The following CMTM4 variants were observed in gnomAD, a reference collection of about 807,000 sequenced individuals.
CMTM4 encodes CKLF like MARVEL transmembrane domain containing 4.
Under a neutral mutation model 19.0 loss-of-function variants are expected in CMTM4, and 8 were observed. The observed-to-expected ratio is 0.42, with a 90% CI of 0.25 to 0.76. The LOEUF is 0.76. CMTM4 is among the 30% of genes least tolerant of loss of function. The pLI is 0.27. For synonymous variants in CMTM4, 106 were observed against 121.1 expected, an observed-to-expected ratio of 0.88 and a Z score of 0.82; for missense variants, 228 against 290.2, an observed-to-expected ratio of 0.79 and a Z score of 1.56.
intron 2 of CMTM4, among the ~76,000 whole-genome samples, chr16:66,625,220 A>C (rs1045484796): frequency 2.6e-5 from 4 of 152,132 alleles, no homozygotes; most frequent in South Asian, 2.1e-4. Flanking sequence ...GGATCACCTG[A>C]GGTTGGGAGT....
intron 2 of CMTM4, among the ~76,000 whole-genome samples, chr16:66,626,298 C>T (rs1033960607): frequency 6.6e-6 from 1 of 152,052 alleles, no homozygotes; most frequent in Non-Finnish European, 1.5e-5. Context: ...AGCTGGACCC[C>T]GTCTCTACTA....
chr16:66,608,446 C>T, the CMTM4 span: 1 of 1,614,030 alleles, frequency 6.2e-7, no homozygotes, highest in Non-Finnish European at 8.5e-7. This position sits in a 1 kb window ranked among gnomAD's most constrained non-coding sequence, Gnocchi z 5.1. Flanking sequence ...AGTGGCAGGG[C>T]TTGTGCTGGC....
chr16:66,626,450 A>G (rs57010732), intron 2 of CMTM4, among the ~76,000 whole-genome samples: 6,675 of 152,226 alleles, frequency 0.044, 265 homozygotes, highest in East Asian at 0.16. Context: ...ACTAAAACAC[A>G]AAAAATTAGC....
At chr16:66,598,792 G>A in the CMTM4 span, among the ~76,000 whole-genome samples, 3 of 152,122 alleles carry the variant, frequency 2.0e-5, no homozygotes, top group African/African-American at 7.2e-5. Context: ...ATGGATGGAA[G>A]TTTCTTTATC....
intron 1 of CMTM4, among the ~76,000 whole-genome samples, chr16:66,671,248 C>G (rs1459682460): frequency 6.6e-6 from 1 of 152,096 alleles, no homozygotes; most frequent in East Asian, 1.9e-4. Context: ...AACAGGGAAG[C>G]CTTCTCAAAG....
At chr16:66,641,721 T>A (rs755462617) in intron 1 of CMTM4, among the ~76,000 whole-genome samples, 1 of 152,166 alleles carries the variant, frequency 6.6e-6, no homozygotes, top group East Asian at 1.9e-4. Flanking sequence ...TTTCCAAATC[T>A]CAAATGGTCA....
downstream of CMTM4, chr16:66,610,965 G>A (rs1003456478): frequency 1.0e-5 from 4 of 398,474 alleles, no homozygotes; most frequent in Non-Finnish European, 8.9e-6. The surrounding 1 kb of genome is among the most constrained non-coding windows in gnomAD (Gnocchi z 4.6). Context: ...CTCCCAGGCG[G>A]TTTCCTCAGG....
Position 66,696,410 on chromosome 16 carries a change from C to A in CMTM4, c.116G>T (p.Gly39Val). 1 of 1,407,126 alleles carries A rather than the reference C, an allele frequency of 7.1e-7. No individual in the cohort carries two copies. The highest frequency in any genetic ancestry group is 9.2e-7 in the Non-Finnish European group (1 of 1,082,114). The allele number at this position is 1,407,126 out of a possible 1,614,324, so 87.2% of individuals were successfully genotyped here. A position where few individuals can be genotyped will look rare whatever the true frequency, so the allele number is the denominator to read the frequency against. The change falls in exon 1 of 4, where the codon GGG becomes GTG. Residue 39 changes from glycine (G) to valine (V), a missense_variant. Gly to Val is a moderately radical substitution (Grantham distance 109). Coordinates refer to ENST00000394106, the MANE Select transcript of CMTM4 (RefSeq NM_181521.3). This position sits in a 1 kb window ranked among gnomAD's most constrained non-coding sequence, Gnocchi z 4.3. Reference protein sequence around the residue: ...PTTEPVSQRRGLAGLRCDPDY... With the variant: ...PTTEPVSQRRVLAGLRCDPDY... Reference sequence around the variant, plus strand: ...GGGGTCGCAGCGCAGGCCGGCCAGCCCGCGGCGCTGGCTCACCGGCTCGGT... The same window carrying A: ...GGGGTCGCAGCGCAGGCCGGCCAGCACGCGGCGCTGGCTCACCGGCTCGGT...
At chr16:66,695,341 T>A (rs1332132464) in intron 1 of CMTM4, among the ~76,000 whole-genome samples, 1 of 151,466 alleles carries the variant, frequency 6.6e-6, no homozygotes, top group Admixed American at 6.6e-5. Context: ...AGACCCGGTC[T>A]CAAAAAAGAG....
At chr16:66,695,675 C>T (rs1441936072) in intron 1 of CMTM4, among the ~76,000 whole-genome samples, 4 of 152,164 alleles carry the variant, frequency 2.6e-5, no homozygotes, top group Non-Finnish European at 5.9e-5. Flanking sequence ...GGCTGCCCTC[C>T]CAGATTTAAC....
intron 1 of CMTM4, among the ~76,000 whole-genome samples, chr16:66,686,901 A>G (rs2017043946): frequency 6.6e-6 from 1 of 152,226 alleles, no homozygotes; most frequent in Non-Finnish European, 1.5e-5. Flanking sequence ...CAAAAAAACT[A>G]GAAAACATAA....
At chr16:66,645,726 C>T (rs2144828905) in intron 1 of CMTM4, among the ~76,000 whole-genome samples, 1 of 152,234 alleles carries the variant, frequency 6.6e-6, no homozygotes, top group South Asian at 2.1e-4. Flanking sequence ...CGCCTGTAAT[C>T]CCAGCACTTT....
At chr16:66,608,030 G>A in the CMTM4 span, among the ~76,000 whole-genome samples, 7,546 of 152,190 alleles carry the variant, frequency 0.05, 285 homozygotes, top group Admixed American at 0.11. The surrounding 1 kb of genome is among the most constrained non-coding windows in gnomAD (Gnocchi z 5.1). Flanking sequence ...ATATTTTGCC[G>A]AGATGAGGTT....
chr16:66,667,869 T>C (rs1302222468), intron 1 of CMTM4, among the ~76,000 whole-genome samples: 3 of 152,140 alleles, frequency 2.0e-5, no homozygotes, highest in Non-Finnish European at 4.4e-5. Flanking sequence ...ACCTGGCTGA[T>C]AGGGCGAGAC....
At position 66,622,966 on chromosome 16, in the gene CMTM4, T is replaced by C. The variant is rs1390314395; in HGVS notation, c.462+438A>G. ...AGAGGGGAAGTCCTACATTATCTGG[T>C]CCCCACCTGCCGTGGCATTTCCACC... On this transcript the variant is annotated intron_variant, in intron 3 of 3. Transcript: ENST00000394106. This position sits in a 1 kb window ranked among gnomAD's most constrained non-coding sequence, Gnocchi z 4.0. Among the ~76,000 whole-genome samples the C allele has an allele frequency of 6.6e-6, 1 of 152,202 alleles. No homozygotes were observed. The highest frequency in any genetic ancestry group is 1.5e-5 in the Non-Finnish European group (1 of 68,030).
chr16:66,663,499 T>C (rs993571515), intron 1 of CMTM4, among the ~76,000 whole-genome samples: 1 of 149,756 alleles, frequency 6.7e-6, no homozygotes, highest in African/African-American at 2.4e-5. Flanking sequence ...TTATTTTGGA[T>C]ACTACGTTCT....
At chr16:66,666,351 G>C in intron 1 of CMTM4, among the ~76,000 whole-genome samples, 1 of 151,912 alleles carries the variant, frequency 6.6e-6, no homozygotes, top group Non-Finnish European at 1.5e-5. Context: ...TACTCAGGAG[G>C]CTGAGGCAGG....
rs118173521 is a variant in CMTM4 at position 66,689,362 on chromosome 16, T to G, written c.186+6978A>C. Among the ~76,000 whole-genome samples the G allele has an allele frequency of 7.2e-3, 1,090 of 152,328 alleles. 33 individuals carry two copies. The highest frequency in any genetic ancestry group is 0.048 in the Admixed American group (738 of 15,284). ...ATTTATTATGGAAAAGTACTGAATTTTGTCAAAAGTTTTTTTTTTCTGCAT... is the reference window on the plus strand; with the variant it reads ...ATTTATTATGGAAAAGTACTGAATTGTGTCAAAAGTTTTTTTTTTCTGCAT... On this transcript the variant is annotated intron_variant, in intron 1 of 3. Coordinates refer to ENST00000394106, the MANE Select transcript of CMTM4 (RefSeq NM_181521.3).
Position 66,622,130 on chromosome 16 carries a change from A to C in CMTM4, c.555T>G (p.Asn185Lys). Residue 185 changes from asparagine to lysine, a missense_variant, in exon 4 of 4, where the codon AAT (asparagine) becomes AAG (lysine). By Grantham distance (94) the Asn-to-Lys change is moderately conservative. Coordinates refer to ENST00000394106, the MANE Select transcript of CMTM4 (RefSeq NM_181521.3). This position sits in a 1 kb window ranked among gnomAD's most constrained non-coding sequence, Gnocchi z 4.0. ...WRVSVRQQSTNDYIRARTESR... is the reference protein window; with the variant it reads ...WRVSVRQQSTKDYIRARTESR... ...ACTCCGTGCGGGCTCGGATGTAGTCATTGGTGCTCTGCTGGCGGACGCTGA... is the reference window on the plus strand; with the variant it reads ...ACTCCGTGCGGGCTCGGATGTAGTCCTTGGTGCTCTGCTGGCGGACGCTGA... 9 of 1,611,992 alleles carry C rather than the reference A, an allele frequency of 5.6e-6. No individual in the cohort carries two copies. The highest frequency in any genetic ancestry group is 1.7e-5 in the Admixed American group (1 of 59,714).
Sources: allele counts gnomAD v4.1 joint callset (sites outside exome capture counted in the v4.1 genomes callset), GRCh38; gene constraint gnomAD v4.1.1; non-coding constraint Gnocchi (gnomAD v3.1); transcripts MANE v1.5; gene names NCBI Gene and HGNC (gene_info 2026-07-23, HGNC 2026-07-21).